Variants in NOL4 observed in about 807,000 individuals in gnomAD.
NOL4 encodes the protein nucleolar protein 4, also known as cancer/testis antigen 125.
A neutral mutation model predicts 75.9 loss-of-function variants in NOL4; 17 were observed. The ratio of observed to expected loss-of-function variants is 0.22; its 90% CI spans 0.15 to 0.34. The LOEUF (loss-of-function observed/expected upper bound fraction) is 0.34, where lower values mean the gene tolerates loss of function less well. Among genes scored for constraint, NOL4 ranks in the 10% least tolerant of loss-of-function variants. The pLI is 1.00. For synonymous variants in NOL4, 292 were observed against 289.9 expected, an observed-to-expected ratio of 1.01 and a Z score of -0.07; for missense variants, 614 against 793.5, an observed-to-expected ratio of 0.77 and a Z score of 2.72.
At chr18:34,131,037 AAC>A (rs921038044) in intron 1 of NOL4, among the ~76,000 whole-genome samples, 26 of 149,232 alleles carry the variant, frequency 1.7e-4, no homozygotes, top group African/African-American at 5.2e-4. Flanking sequence ...CCTGCTTGCA[AAC>A]ACACACATAC....
rs562877542 is a variant in NOL4, at chr18:34,067,873, G to C, written c.772+25592C>G. ...TGTTGGGTATATAAGCCTGGTTTGG[G>C]GGGTGGGTCTGGTTTGGAGATATAA... On this transcript the variant is annotated intron_variant, in intron 5 of 10. Transcript: ENST00000261592. Among the ~76,000 whole-genome samples the C allele has an allele frequency of 3.9e-5, 6 of 152,132 alleles. No individual in the cohort carries two copies. In the South Asian group the frequency reaches 1.0e-3, roughly 26 times the overall value.
intron 1 of NOL4, among the ~76,000 whole-genome samples, chr18:34,170,677 T>C (rs1203526452): frequency 6.6e-6 from 1 of 152,188 alleles, no homozygotes; most frequent in Non-Finnish European, 1.5e-5. Flanking sequence ...ATGGCTTACA[T>C]TATATTTCTA....
chr18:34,080,007 G>A (rs1175627516), intron 5 of NOL4, among the ~76,000 whole-genome samples: 1 of 152,236 alleles, frequency 6.6e-6, no homozygotes, highest in Non-Finnish European at 1.5e-5. Flanking sequence ...GTGGTAAGCA[G>A]AAGTAAAAGG....
chr18:34,041,524 C>T (rs749038280), intron 5 of NOL4, among the ~76,000 whole-genome samples: 1 of 147,706 alleles, frequency 6.8e-6, no homozygotes, highest in African/African-American at 2.5e-5. Flanking sequence ...AAAAAAAAAG[C>T]CACTTCGTTA....
At chr18:34,208,584 C>T (rs892131162) in intron 1 of NOL4, among the ~76,000 whole-genome samples, 1 of 152,158 alleles carries the variant, frequency 6.6e-6, no homozygotes, top group Non-Finnish European at 1.5e-5. Context: ...AGCGTAGTGG[C>T]TCACACCTGT....
chr18:33,892,787 A>G lies in NOL4; in HGVS notation c.1543-9363T>C, dbSNP rs565685280. On this transcript the variant is annotated intron_variant, in intron 9 of 10. Coordinates refer to ENST00000261592, the MANE Select transcript of NOL4 (RefSeq NM_003787.5). The stretch of plus-strand genomic sequence containing the variant: ...ATCCTCTTGCCTCAGCCTTGTGAGT[A>G]GCTGGGACCACAGGTGCACACTGCC... 3.9e-5 allele frequency among the ~76,000 whole-genome samples: 6 copies of G among 152,128 alleles called. No individual in the cohort carries two copies. In the East Asian group the frequency reaches 1.2e-3, roughly 30 times the overall value.
At chr18:34,032,467 AC>A (rs906167651) in intron 5 of NOL4, among the ~76,000 whole-genome samples, 3 of 152,104 alleles carry the variant, frequency 2.0e-5, no homozygotes, top group Non-Finnish European at 4.4e-5. Context: ...AGCCCAGTCC[AC>A]CACCACTGCA....
intron 5 of NOL4, among the ~76,000 whole-genome samples, chr18:34,070,911 A>C (rs1291091662): frequency 1.3e-5 from 2 of 152,198 alleles, no homozygotes; most frequent in African/African-American, 4.8e-5. Context: ...TAAAATCAAT[A>C]ACACAAAGAA....
At chr18:34,009,762 G>A (rs550435243) in intron 6 of NOL4, among the ~76,000 whole-genome samples, 1 of 151,754 alleles carries the variant, frequency 6.6e-6, no homozygotes, top group Non-Finnish European at 1.5e-5. Flanking sequence ...CACCATGATC[G>A]TTTAACATTA....
chr18:34,049,465 T>C (rs975812758), intron 5 of NOL4, among the ~76,000 whole-genome samples: 9 of 152,066 alleles, frequency 5.9e-5, no homozygotes, highest in Non-Finnish European at 1.2e-4. Flanking sequence ...ATTTTGAACA[T>C]TGAACATTCA....
At chr18:33,920,674 A>C (rs1215972954) in intron 9 of NOL4, among the ~76,000 whole-genome samples, 1 of 152,210 alleles carries the variant, frequency 6.6e-6, no homozygotes, top group Non-Finnish European at 1.5e-5. Context: ...AGTAGACTCC[A>C]GGAAGAGAGA....
At position 33,943,080 on chromosome 18, in the gene NOL4, A is replaced by G. The variant is rs769024533; in HGVS notation, c.1527T>C (p.Arg509=). Residue 509 remains arginine (R), a synonymous_variant, in exon 9 of 11, where the codon CGT becomes CGC. Transcript: ENST00000261592. ...SESRNAAKRM[R]LERQQDESAP... Reference sequence around the variant, plus strand: ...GCCTCAGTACCTGCTGTCTCTCCAGACGCATCCTCTTGGCGGCATTTCTAC... The same window carrying G: ...GCCTCAGTACCTGCTGTCTCTCCAGGCGCATCCTCTTGGCGGCATTTCTAC... 2 of 1,611,058 alleles carry G rather than the reference A, an allele frequency of 1.2e-6. No individual in the cohort carries two copies. The highest frequency in any genetic ancestry group is 4.5e-5 in the East Asian group (2 of 44,780).
intron 8 of NOL4, among the ~76,000 whole-genome samples, chr18:33,949,941 A>G (rs543951673): frequency 6.6e-6 from 1 of 152,012 alleles, no homozygotes; most frequent in Non-Finnish European, 1.5e-5. Flanking sequence ...CTGAAATAAC[A>G]TGCTTTAATT....
At chr18:33,881,877 A>G (rs2064301258) in intron 10 of NOL4, among the ~76,000 whole-genome samples, 1 of 152,054 alleles carries the variant, frequency 6.6e-6, no homozygotes, top group African/African-American at 2.4e-5. Flanking sequence ...ATGGAACAGA[A>G]CAGAGCCCTC....
At chr18:34,115,618 C>T (rs1209478899) in intron 2 of NOL4, among the ~76,000 whole-genome samples, 1 of 152,008 alleles carries the variant, frequency 6.6e-6, no homozygotes, top group Non-Finnish European at 1.5e-5. Context: ...AAATGACACA[C>T]CTAGTCCTAA....
At chr18:34,178,613 GAC>G (rs1274104565) in intron 1 of NOL4, among the ~76,000 whole-genome samples, 1 of 151,606 alleles carries the variant, frequency 6.6e-6, no homozygotes, top group East Asian at 1.9e-4. Context: ...GAGAAAAAAG[GAC>G]AGTTTTTCAT....
rs1047327162 is a variant in NOL4, at chr18:33,970,823, A to C, written c.1057-12405T>G. On this transcript the variant is annotated intron_variant, in intron 6 of 10. Coordinates refer to ENST00000261592, the MANE Select transcript of NOL4 (RefSeq NM_003787.5). ...GGAGTTTCCAGGCCTCATCTGGACA[A>C]TTATATGTTTGATACAATATGCTGA... Among the ~76,000 whole-genome samples the C allele has an allele frequency of 3.3e-5, 5 of 151,954 alleles. No homozygotes were observed. In the East Asian group the frequency reaches 9.7e-4, roughly 29 times the overall value.
chr18:33,986,789 A>G (rs1033682574), intron 6 of NOL4, among the ~76,000 whole-genome samples: 1 of 152,174 alleles, frequency 6.6e-6, no homozygotes, highest in Non-Finnish European at 1.5e-5. Flanking sequence ...AAATGAAAAC[A>G]TAAGTTCACA....
chr18:34,083,238 G>T (rs868811347), intron 5 of NOL4, among the ~76,000 whole-genome samples: 1 of 152,146 alleles, frequency 6.6e-6, no homozygotes, highest in Non-Finnish European at 1.5e-5. Flanking sequence ...GGCAATATTT[G>T]TGAGCTTTCA....
Sources: allele counts gnomAD v4.1 joint callset (sites outside exome capture counted in the v4.1 genomes callset), GRCh38; gene constraint gnomAD v4.1.1; transcripts MANE v1.5; gene names NCBI Gene and HGNC (gene_info 2026-07-23, HGNC 2026-07-21).